Variants in CKAP2L observed in about 807,000 individuals in gnomAD.
CKAP2L encodes the protein cytoskeleton associated protein 2L, also known as cytoskeleton-associated protein 2-like.
Under a neutral mutation model 65.7 loss-of-function variants are expected in CKAP2L, and 42 were observed. That is an observed-to-expected ratio of 0.64 (90% CI 0.50 to 0.83). The LOEUF (loss-of-function observed/expected upper bound fraction) is 0.83. Ranked by LOEUF, CKAP2L falls within the 40% of genes least tolerant of loss-of-function variation. CKAP2L has a pLI of 0.00. For missense variants in CKAP2L, 908 were observed against 871.0 expected (o/e 1.04, Z -0.53); for synonymous variants, 325 against 313.5 (o/e 1.04, Z -0.39).
In CKAP2L at chr2:112,742,771, TGGAA is replaced by T. The variant is rs745636964; in HGVS notation, c.1759-6_1759-3del. ...AACTTTCCGCAACTCTTGTATTGGC[TGGAA>T]GGAAGGAAGAAAACATACAAAATCT... is the stretch of plus-strand genomic sequence containing the variant. On this transcript the variant is annotated splice_polypyrimidine_tract_variant and splice_region_variant and intron_variant, in intron 6 of 8. Transcript: ENST00000302450. 6.2e-6 allele frequency: 10 copies of T among 1,602,994 alleles called. No homozygotes were observed. Among genetic ancestry groups the T allele is most frequent in the Admixed American group, 1.7e-5 (1 of 57,946 alleles).
chr2:112,763,176 T>C (rs1425988588), intron 1 of CKAP2L, among the ~76,000 whole-genome samples: 1 of 152,218 alleles, frequency 6.6e-6, no homozygotes, highest in Non-Finnish European at 1.5e-5. Context: ...TGCCCAAAGT[T>C]ACCCAGCTAA....
At chr2:112,764,442 G>A in intron 1 of CKAP2L, 120 bp downstream of exon 1, 1 of 1,132,894 alleles carries the variant, frequency 8.8e-7, no homozygotes, top group South Asian at 1.3e-5. Flanking sequence ...AAACGCCCAG[G>A]GGAAACTTAG....
Position 112,736,794 on chromosome 2 carries a change from A to T in CKAP2L, c.*2029T>A, listed in dbSNP as rs1352263674. 6.6e-6 allele frequency: 1 copy of T among 152,224 alleles called. No individual in the cohort carries two copies. Among genetic ancestry groups the T allele is most frequent in the African/African-American group, 2.4e-5 (1 of 41,464 alleles). 9.4% of individuals were successfully genotyped at this position (152,224 alleles called of 1,614,324 possible). A position where few individuals can be genotyped will look rare whatever the true frequency, so the allele number is the denominator to read the frequency against. On this transcript the variant is annotated 3_prime_UTR_variant, in exon 9 of 9. Transcript: ENST00000302450. Reference sequence around the variant, plus strand: ...TCCCTCTTTTCCAAGGATGAATACTATTCCACGGCATGCATATGCCGTATT... The same window carrying T: ...TCCCTCTTTTCCAAGGATGAATACTTTTCCACGGCATGCATATGCCGTATT...
Position 112,756,485 on chromosome 2 carries a change from C to A in CKAP2L, c.886G>T (p.Val296Leu). The A allele has an allele frequency of 6.2e-7, 1 of 1,609,562 alleles. No individual in the cohort carries two copies. Among genetic ancestry groups the A allele is most frequent in the Non-Finnish European group, 8.5e-7 (1 of 1,178,554 alleles). Reference protein sequence around the residue: ...LSKVQSSKKPVVKNIKDIKVN... With the variant: ...LSKVQSSKKPLVKNIKDIKVN... ...TTTATATCTTTGATGTTCTTGACTA[C>A]TGGTTTCTTTGATGACTGAACTTTA... The change falls in exon 4 of 9, where the codon GTA becomes TTA. Residue 296 changes from valine to leucine, a missense_variant. Transcript: ENST00000302450.
intron 2 of CKAP2L, 63 bp downstream of exon 2, chr2:112,762,440 G>T: frequency 8.1e-7 from 1 of 1,237,064 alleles, no homozygotes; most frequent in Non-Finnish European, 1.2e-6. Context: ...TTTCAAAAAG[G>T]CTTTAAATTG....
rs60396978 is a variant in CKAP2L at position 112,741,053 on chromosome 2, T to C, written c.1823-46A>G. The stretch of plus-strand genomic sequence containing the variant: ...AGGAAAGTAAGATTTACCAATTTAA[T>C]ACTTCAACTAGAAGTCAATAACATG... On this transcript the variant is annotated intron_variant, in intron 7 of 8. Coordinates refer to ENST00000302450, the MANE Select transcript of CKAP2L (RefSeq NM_152515.5). 7.2e-3 allele frequency: 9,189 copies of C among 1,274,302 alleles called. 499 individuals carry two copies. In the African/African-American group the frequency reaches 0.12, roughly 16 times the overall value. The allele number at this position is 1,274,302 out of a possible 1,614,324, so 78.9% of individuals were successfully genotyped here.
intron 3 of CKAP2L, among the ~76,000 whole-genome samples, chr2:112,758,997 G>A (rs371933797): frequency 2.6e-5 from 4 of 152,194 alleles, no homozygotes; most frequent in South Asian, 4.1e-4. Context: ...ATGGAATCAT[G>A]TAATATGTGG....
intron 5 of CKAP2L, among the ~76,000 whole-genome samples, chr2:112,748,727 G>C (rs1281992694): frequency 6.6e-6 from 1 of 152,038 alleles, no homozygotes; most frequent in South Asian, 2.1e-4. Context: ...TGGGTGTAGT[G>C]GTGTGTACCT....
At chr2:112,744,202 A>AATCGACTG (rs1458233211) in intron 6 of CKAP2L, among the ~76,000 whole-genome samples, 1 of 152,238 alleles carries the variant, frequency 6.6e-6, no homozygotes, top group East Asian at 1.9e-4. Flanking sequence ...CTCTCTTGAA[A>AATCGACTG]ATCGACTGAA....
chr2:112,744,365 A>C (rs1680132013), intron 6 of CKAP2L, among the ~76,000 whole-genome samples: 1 of 152,224 alleles, frequency 6.6e-6, no homozygotes, highest in African/African-American at 2.4e-5. Flanking sequence ...AGTGTGGCTA[A>C]GAAACAACCT....
chr2:112,747,196 T>C (rs973740731), intron 5 of CKAP2L, among the ~76,000 whole-genome samples: 10 of 151,894 alleles, frequency 6.6e-5, no homozygotes, highest in Admixed American at 5.2e-4. Context: ...GATCAAGCAA[T>C]CCTCCCACCT....
At chr2:112,755,855 A>G (rs933140692) in intron 4 of CKAP2L, 122 bp downstream of exon 4, 16 of 910,524 alleles carry the variant, frequency 1.8e-5, no homozygotes, top group Non-Finnish European at 2.5e-5. Flanking sequence ...ATCTTTTTTC[A>G]GACTGTAGTT....
chr2:112,739,149 T>A, intron 8 of CKAP2L, 101 bp from the exon 9 acceptor site: 1 of 899,534 alleles, frequency 1.1e-6, no homozygotes, highest in Non-Finnish European at 1.7e-6. Context: ...GAAGACATTT[T>A]AACATAGGGT....
intron 2 of CKAP2L, among the ~76,000 whole-genome samples, 182 bp from the exon 3 acceptor site, chr2:112,760,946 C>G (rs1306017736): frequency 6.6e-6 from 1 of 151,660 alleles, no homozygotes; most frequent in East Asian, 1.9e-4. Flanking sequence ...TCTGTATCCT[C>G]CCCCTTGGAG....
chr2:112,762,457 C>T (rs752940886), intron 2 of CKAP2L, 46 bp downstream of exon 2: 1 of 1,466,122 alleles, frequency 6.8e-7, no homozygotes, highest in Non-Finnish European at 9.6e-7. Context: ...ATTGCTAGTA[C>T]AAAGAAGGCA....
At chr2:112,739,364 T>C (rs1226347392) in intron 8 of CKAP2L, among the ~76,000 whole-genome samples, 2 of 152,136 alleles carry the variant, frequency 1.3e-5, no homozygotes, top group Non-Finnish European at 2.9e-5. Context: ...AAGGCTGCAG[T>C]GAGCTATGAT....
Position 112,738,574 on chromosome 2 carries a change from T to C in CKAP2L, c.*249A>G, listed in dbSNP as rs1181331913. 6.1e-6 allele frequency: 3 copies of C among 492,418 alleles called. No homozygotes were observed. In the Admixed American group the frequency reaches 1.1e-4, roughly 18 times the overall value. The allele number at this position is 492,418 out of a possible 1,614,324, so 30.5% of individuals were successfully genotyped here. ...AAAGTATAAATATTTATCATAGTTG[T>C]AGGGTAAATATTCAAAAGTTTGAAA... On this transcript the variant is annotated 3_prime_UTR_variant, in exon 9 of 9. Transcript: ENST00000302450.
intron 2 of CKAP2L, among the ~76,000 whole-genome samples, chr2:112,761,561 A>C (rs1226869881): frequency 1.3e-5 from 2 of 152,080 alleles, no homozygotes; most frequent in Non-Finnish European, 2.9e-5. Context: ...AAAAAAAAAA[A>C]ACCAAGACAC....
At position 112,741,363 on chromosome 2, in the gene CKAP2L, A is replaced by C. The variant is rs146893012; in HGVS notation, c.1823-356T>G. Among the ~76,000 whole-genome samples, 443 of 152,256 alleles carry C rather than the reference A, an allele frequency of 2.9e-3. 3 individuals carry two copies. Among genetic ancestry groups the C allele is most frequent in the African/African-American group, 0.01 (429 of 41,540 alleles). On this transcript the variant is annotated intron_variant, in intron 7 of 8. Transcript: ENST00000302450. ...CTACCCTTACACCACACCTTGGATC[A>C]ATTTTCTTGACTCACTAAGGTTAAC...
Sources: allele counts gnomAD v4.1 joint callset (sites outside exome capture counted in the v4.1 genomes callset), GRCh38; gene constraint gnomAD v4.1.1; transcripts MANE v1.5; gene names NCBI Gene and HGNC (gene_info 2026-07-23, HGNC 2026-07-21).